CHCHD6: variants seen among roughly 807,000 people sequenced by gnomAD.
CHCHD6 encodes coiled-coil-helix-coiled-coil-helix domain containing 6, also known as MICOS complex subunit MIC25.
Under a neutral mutation model 32.3 loss-of-function variants are expected in CHCHD6, and 28 were observed. That is an observed-to-expected ratio of 0.87 (90% CI 0.64 to 1.19). The LOEUF (loss-of-function observed/expected upper bound fraction) is 1.19, where lower values mean the gene tolerates loss of function less well. Ranked by LOEUF, CHCHD6 falls within the 50% of genes most tolerant of loss-of-function variation. The probability of loss-of-function intolerance (pLI) is 0.00; values close to 1 mark genes in which losing one functional copy is unlikely to be tolerated. For missense variants in CHCHD6, 333 were observed against 307.0 expected (o/e 1.08, Z -0.63); for synonymous variants, 122 against 117.5 (o/e 1.04, Z -0.25).
chr3:126,771,245 G>A (rs549107142), intron 4 of CHCHD6, among the ~76,000 whole-genome samples: 9 of 140,958 alleles, frequency 6.4e-5, no homozygotes, highest in South Asian at 4.4e-4. Context: ...TTGCTCTGTC[G>A]CCAGATTGGA....
chr3:126,954,727 A>T (rs377523641), intron 6 of CHCHD6, among the ~76,000 whole-genome samples: 4 of 151,852 alleles, frequency 2.6e-5, no homozygotes, highest in South Asian at 4.1e-4. Flanking sequence ...GCTTCAGGGG[A>T]GTGCAGCAGA....
At chr3:126,827,720 C>G (rs891862041) in intron 4 of CHCHD6, among the ~76,000 whole-genome samples, 4 of 152,074 alleles carry the variant, frequency 2.6e-5, no homozygotes, top group African/African-American at 9.7e-5. Flanking sequence ...GATTTTTGAG[C>G]AAGAAAAAGA....
At chr3:126,953,500 A>G (rs2107608968) in intron 6 of CHCHD6, among the ~76,000 whole-genome samples, 1 of 152,252 alleles carries the variant, frequency 6.6e-6, no homozygotes, top group East Asian at 1.9e-4. Context: ...CCTTTCTGCA[A>G]GCTCACCCCA....
chr3:126,859,698 C>T (rs114938421), intron 5 of CHCHD6, among the ~76,000 whole-genome samples: 2,263 of 152,306 alleles, frequency 0.015, 30 homozygotes, highest in Non-Finnish European at 0.023. Flanking sequence ...CTGTCAGAAG[C>T]CATGCACACG....
chr3:126,955,155 G>A (rs2078765885), intron 6 of CHCHD6, among the ~76,000 whole-genome samples: 1 of 152,240 alleles, frequency 6.6e-6, no homozygotes, highest in Non-Finnish European at 1.5e-5. Context: ...CCCACAACTA[G>A]ACACACCCAT....
intron 6 of CHCHD6, chr3:126,949,676 C>T (rs946381630): frequency 5.1e-5 from 11 of 215,134 alleles, no homozygotes; most frequent in Middle Eastern, 3.4e-3. Context: ...CCGCCGTGGA[C>T]GGAAGGGAAG....
intron 5 of CHCHD6, among the ~76,000 whole-genome samples, chr3:126,856,644 T>C (rs1163569641): frequency 6.6e-6 from 1 of 152,234 alleles, no homozygotes; most frequent in African/African-American, 2.4e-5. Flanking sequence ...ATTATGGGGC[T>C]AAGGGGACTT....
intron 4 of CHCHD6, among the ~76,000 whole-genome samples, chr3:126,830,719 T>A (rs1033899731): frequency 2.6e-4 from 39 of 152,232 alleles, no homozygotes; most frequent in African/African-American, 9.4e-4. Flanking sequence ...AGTCTACTTT[T>A]AACATGGACA....
At chr3:126,748,734 A>AGCCTCTGTGC (rs1936607158) in intron 4 of CHCHD6, among the ~76,000 whole-genome samples, 1 of 152,088 alleles carries the variant, frequency 6.6e-6, no homozygotes, top group Non-Finnish European at 1.5e-5. Flanking sequence ...CCCTTCTGTG[A>AGCCTCTGTGC]GCCTCTGTGC....
chr3:126,802,119 CAG>C (rs879429629), intron 4 of CHCHD6, among the ~76,000 whole-genome samples: 3 of 152,292 alleles, frequency 2.0e-5, no homozygotes, highest in Admixed American at 6.5e-5. Context: ...GGGGAAAAAA[CAG>C]AGCAGAAAAA....
chr3:126,903,892 C>T (rs1211413784), intron 5 of CHCHD6, among the ~76,000 whole-genome samples: 1 of 152,158 alleles, frequency 6.6e-6, no homozygotes, highest in Non-Finnish European at 1.5e-5. Flanking sequence ...GCTTTAACAC[C>T]CTCTCCCTGG....
chr3:126,901,016 A>G (rs2077919198), intron 5 of CHCHD6, among the ~76,000 whole-genome samples: 1 of 151,980 alleles, frequency 6.6e-6, no homozygotes, highest in Non-Finnish European at 1.5e-5. Context: ...CACCCCCCCC[A>G]GGCCCTACCT....
intron 5 of CHCHD6, among the ~76,000 whole-genome samples, chr3:126,866,238 T>C (rs1430803031): frequency 6.6e-6 from 1 of 152,226 alleles, no homozygotes; most frequent in Non-Finnish European, 1.5e-5. Context: ...GCTGGTTTTC[T>C]TGGTGCCCAG....
At chr3:126,773,509 C>T (rs781386754) in intron 4 of CHCHD6, among the ~76,000 whole-genome samples, 1 of 151,946 alleles carries the variant, frequency 6.6e-6, no homozygotes, top group Non-Finnish European at 1.5e-5. Flanking sequence ...TCTCAAGTGG[C>T]CTTTTTCTTT....
chr3:126,821,410 T>C (rs1293073249), intron 4 of CHCHD6, among the ~76,000 whole-genome samples: 1 of 152,086 alleles, frequency 6.6e-6, no homozygotes, highest in Non-Finnish European at 1.5e-5. Flanking sequence ...TCTCCTGCCT[T>C]ACTGAGCCTC....
At chr3:126,743,278 C>CTGGA (rs1254556229) in intron 4 of CHCHD6, among the ~76,000 whole-genome samples, 4 of 152,146 alleles carry the variant, frequency 2.6e-5, no homozygotes, top group African/African-American at 7.2e-5. Context: ...GTTTAAGAAG[C>CTGGA]TGGAAGGACA....
At chr3:126,766,791 C>G in intron 4 of CHCHD6, 1 of 1,072,656 alleles carries the variant, frequency 9.3e-7, no homozygotes, top group Non-Finnish European at 1.5e-6. Context: ...ACAGACCACC[C>G]ACTTCACTGA....
At chr3:126,929,950 A>G (rs1306469723) in intron 6 of CHCHD6, among the ~76,000 whole-genome samples, 1 of 152,130 alleles carries the variant, frequency 6.6e-6, no homozygotes, top group African/African-American at 2.4e-5. Context: ...AAAAATGAGG[A>G]CCTCCATTAA....
rs199892310 is a variant in CHCHD6, at chr3:126,814,705, ATC to A, written c.412-37940_412-37939del. On this transcript the variant is annotated intron_variant, in intron 4 of 7. Transcript: ENST00000290913. ...CATGCCTTGCCCTGTGCTTTTTTTC[ATC>A]TGTGTCCCTTATAATAAACCAGGAA... is the stretch of plus-strand genomic sequence containing the variant. Among the ~76,000 whole-genome samples, 696 of 152,204 alleles carry A rather than the reference ATC, an allele frequency of 4.6e-3. 5 individuals are homozygous for A. The highest frequency in any genetic ancestry group is 0.016 in the African/African-American group (664 of 41,538).
Sources: gnomAD v4.1 joint callset for allele counts (sites outside exome capture counted in the v4.1 genomes callset) on GRCh38, gnomAD v4.1.1 for gene constraint, MANE v1.5 for transcripts, NCBI Gene and HGNC (gene_info 2026-07-23, HGNC 2026-07-21) for gene names.